Variants in RPL13A observed in about 807,000 individuals in gnomAD.
RPL13A encodes the protein ribosomal protein L13a, also known as large ribosomal subunit protein uL13.
In RPL13A, 4 loss-of-function variants were observed where a neutral mutation model predicts 30.8. That is an observed-to-expected ratio of 0.13 (90% CI 0.06 to 0.30). The LOEUF is 0.30. Among genes scored for constraint, RPL13A ranks in the 10% least tolerant of loss-of-function variants. RPL13A has a pLI of 1.00. For missense variants in RPL13A, 196 were observed against 272.6 expected (o/e 0.72, Z 1.98); for synonymous variants, 108 against 104.2 (o/e 1.04, Z -0.22).
rs570089557 is a variant in RPL13A at position 49,488,712 on chromosome 19, A to G, written c.15+1068A>G. 8.1e-4 allele frequency among the ~76,000 whole-genome samples: 123 copies of G among 152,316 alleles called. 1 individual carries two copies. The highest frequency in any genetic ancestry group is 2.8e-3 in the African/African-American group (118 of 41,576). On this transcript the variant is annotated intron_variant, in intron 1 of 7. Coordinates refer to ENST00000391857, the MANE Select transcript of RPL13A (RefSeq NM_012423.4). Reference sequence around the variant, plus strand: ...TAAAACAATGAGGATTTCTACTTTTAGTGTTTTTTCTGAGACGGAGTCTCG... The same window carrying G: ...TAAAACAATGAGGATTTCTACTTTTGGTGTTTTTTCTGAGACGGAGTCTCG...
At chr19:49,490,109 A>T in intron 2 of RPL13A, 123 bp from the exon 3 acceptor site, 1 of 1,090,300 alleles carries the variant, frequency 9.2e-7, no homozygotes, top group Non-Finnish European at 1.4e-6. Flanking sequence ...GTATTAGGCT[A>T]GTTTTTCATT....
In RPL13A at chr19:49,491,400, T is replaced by TCCCCCCCC. The variant is rs1555806959; in HGVS notation, c.403-24_403-23insCCCCCCCC. Reference sequence around the variant, plus strand: ...TAGATATCCTTACAACTTCATTTGTTCACCCCCCCCCCCCCCCCCCGCAGT... The same window carrying TCCCCCCCC: ...TAGATATCCTTACAACTTCATTTGTTCCCCCCCCCACCCCCCCCCCCCCCCCCCGCAGT... On this transcript the variant is annotated intron_variant, in intron 6 of 7. Transcript: ENST00000391857. 5 of 977,636 alleles carry TCCCCCCCC rather than the reference T, an allele frequency of 5.1e-6. 1 individual carries two copies. Among genetic ancestry groups the TCCCCCCCC allele is most frequent in the Non-Finnish European group, 5.6e-6 (4 of 714,762 alleles). 60.6% of individuals were successfully genotyped at this position (977,636 alleles called of 1,614,324 possible).
chr19:49,491,532 G>T lies in RPL13A; in HGVS notation c.510G>T (p.Lys170Asn). The change falls in exon 7 of 8, where the codon AAG (lysine) becomes AAT (asparagine). Residue 170 changes from lysine to asparagine, a missense_variant. By Grantham distance (94) the Lys-to-Asn change is moderately conservative (BLOSUM62 0). Coordinates refer to ENST00000391857, the MANE Select transcript of RPL13A (RefSeq NM_012423.4). ...AGAAAGCCAAGATCCACTACCGGAA[G>T]AAGAAACAGCTCATGGTGAGGCCAG... ...RKEKAKIHYR[K>N]KKQLMRLRKQ... The T allele has an allele frequency of 6.6e-7, 1 of 1,525,920 alleles. No homozygotes were observed. Among genetic ancestry groups the T allele is most frequent in the Non-Finnish European group, 8.8e-7 (1 of 1,138,072 alleles). The allele number at this position is 1,525,920 out of a possible 1,614,324, so 94.5% of individuals were successfully genotyped here.
chr19:49,488,350 T>G (rs1476417939), intron 1 of RPL13A, among the ~76,000 whole-genome samples: 5 of 152,120 alleles, frequency 3.3e-5, no homozygotes, highest in South Asian at 2.1e-4. Flanking sequence ...TGTAGCTACT[T>G]AAGTATAAAG....
intron 7 of RPL13A, 73 bp from the exon 8 acceptor site, chr19:49,491,656 G>A: frequency 5.1e-6 from 8 of 1,576,932 alleles, no homozygotes; most frequent in Non-Finnish European, 6.9e-6. Flanking sequence ...CGGGGTTGGG[G>A]TGGGATGCAG....
intron 2 of RPL13A, 22 bp from the exon 3 acceptor site, chr19:49,490,210 C>T (rs748775972): frequency 5.0e-6 from 8 of 1,613,440 alleles, no homozygotes; most frequent in Middle Eastern, 3.4e-4. Context: ...CTCGGCCCTG[C>T]TAAGCCTTTC....
At chr19:49,491,171 G>T (rs1361027020) in intron 6 of RPL13A, 72 bp downstream of exon 6, 3 of 1,536,076 alleles carry the variant, frequency 2.0e-6, no homozygotes, top group Admixed American at 1.7e-5. Flanking sequence ...GGGACCTGGA[G>T]CCTGGCAGAT....
Position 49,489,906 on chromosome 19 carries a change from T to C in RPL13A, c.72T>C (p.Ala24=). ...TGGGCCGCCTGGCGGCCATCGTGGC[T>C]AAACAGGTACTGCTGGGTAAGTCGC... The part of the protein sequence containing the change: ...HLLGRLAAIV[A]KQVLLGRKVV... Residue 24 remains alanine (A), a synonymous_variant, in exon 2 of 8, where the codon GCT becomes GCC. Transcript: ENST00000391857. 5.0e-6 allele frequency: 8 copies of C among 1,613,936 alleles called. No individual in the cohort carries two copies. The highest frequency in any genetic ancestry group is 6.8e-6 in the Non-Finnish European group (8 of 1,179,752).
rs775735394 is a variant in RPL13A at position 49,490,803 on chromosome 19, G to A, written c.281G>A (p.Arg94Gln). 1 of 1,614,148 alleles carries A rather than the reference G, an allele frequency of 6.2e-7. No individual in the cohort carries two copies. Among genetic ancestry groups the A allele is most frequent in the South Asian group, 1.1e-5 (1 of 91,090 alleles). Residue 94 changes from arginine to glutamine, a missense_variant, in exon 5 of 8, where the codon CGA (arginine) becomes CAA (glutamine). Coordinates refer to ENST00000391857, the MANE Select transcript of RPL13A (RefSeq NM_012423.4). ...GGTATGCTGCCCCACAAAACCAAGCGAGGCCAGGCCGCTCTGGACCGTCTC... is the reference window on the plus strand; with the variant it reads ...GGTATGCTGCCCCACAAAACCAAGCAAGGCCAGGCCGCTCTGGACCGTCTC... Reference protein sequence around the residue: ...VRGMLPHKTKRGQAALDRLKV... With the variant: ...VRGMLPHKTKQGQAALDRLKV...
At chr19:49,489,772 AAAG>A (rs1456922696) in intron 1 of RPL13A, 75 bp from the exon 2 acceptor site, 24 of 1,212,962 alleles carry the variant, frequency 2.0e-5, no homozygotes, top group Middle Eastern at 4.4e-4. Context: ...CGGTAGGACA[AAAG>A]AAGGGAATGC....
In RPL13A at chr19:49,490,596, TGCAGGTGGTGACGG is replaced by T. The variant is rs1173746442; in HGVS notation, c.256+26_256+39del. 1 of 1,612,588 alleles carries T rather than the reference TGCAGGTGGTGACGG, an allele frequency of 6.2e-7. No individual in the cohort carries two copies. Among genetic ancestry groups the T allele is most frequent in the Non-Finnish European group, 8.5e-7 (1 of 1,178,584 alleles). Reference sequence around the variant, plus strand: ...TGCGAGGTGAGCAGAGCGTGGGGACTGCAGGTGGTGACGGGCAGGCGGCCGGTGATGAGAACTTC... The same window carrying T: ...TGCGAGGTGAGCAGAGCGTGGGGACTGCAGGCGGCCGGTGATGAGAACTTC... On this transcript the variant is annotated intron_variant, in intron 4 of 7. Transcript: ENST00000391857.
intron 2 of RPL13A, 137 bp from the exon 3 acceptor site, chr19:49,490,095 T>C: frequency 9.5e-7 from 1 of 1,047,660 alleles, no homozygotes; most frequent in Admixed American, 1.7e-5. Context: ...CAAGAAGTAA[T>C]TATGTATTAG....
Position 49,491,416 on chromosome 19 carries a change from C to CA in RPL13A, c.403-9_403-8insA. ...TTCATTTGTTCACCCCCCCCCCCCC[C>CA]CCCCGCAGTTTGCCTATCTGGGGCG... On this transcript the variant is annotated splice_polypyrimidine_tract_variant and intron_variant, in intron 6 of 7. Transcript: ENST00000391857. 9.4e-7 allele frequency: 1 copy of CA among 1,066,328 alleles called. No individual in the cohort carries two copies. Among genetic ancestry groups the CA allele is most frequent in the Non-Finnish European group, 1.3e-6 (1 of 767,466 alleles). 66.1% of individuals were successfully genotyped at this position (1,066,328 alleles called of 1,614,324 possible).
intron 7 of RPL13A, 41 bp from the exon 8 acceptor site, chr19:49,491,688 A>G: frequency 6.3e-7 from 1 of 1,596,394 alleles, no homozygotes; most frequent in Non-Finnish European, 8.6e-7. Context: ...AGGGCAATGC[A>G]ACCCCTCCTG....
At chr19:49,489,768 G>A (rs898475093) in intron 1 of RPL13A, 82 bp from the exon 2 acceptor site, 2 of 1,162,932 alleles carry the variant, frequency 1.7e-6, no homozygotes, top group Non-Finnish European at 1.3e-6. Context: ...GGCACGGTAG[G>A]ACAAAAGAAG....
Position 49,492,042 on chromosome 19 carries a change from C to G in RPL13A, c.*227C>G. On this transcript the variant is annotated 3_prime_UTR_variant, in exon 8 of 8. Transcript: ENST00000391857. The stretch of plus-strand genomic sequence containing the variant: ...TATCTATGACCAATAGGAAGAGCAA[C>G]CAGTTACTATGAGTGAAAGGGAGCC... The G allele has an allele frequency of 2.0e-6, 1 of 512,338 alleles. No individual in the cohort carries two copies. The highest frequency in any genetic ancestry group is 3.5e-6 in the Non-Finnish European group (1 of 283,388). The allele number at this position is 512,338 out of a possible 1,614,324, so 31.7% of individuals were successfully genotyped here. A position where few individuals can be genotyped will look rare whatever the true frequency, so the allele number is the denominator to read the frequency against.
intron 4 of RPL13A, 69 bp downstream of exon 4, chr19:49,490,645 C>T (rs759201218): frequency 4.4e-6 from 7 of 1,580,276 alleles, no homozygotes; most frequent in East Asian, 2.2e-5. Context: ...CTCCCACTCA[C>T]ATTCGAGTTT....
At chr19:49,490,893 G>GGCCTTACCTGTGGCGTCCATGATGTT (rs2079860232) in intron 5 of RPL13A, 29 bp downstream of exon 5, 2 of 1,612,998 alleles carry the variant, frequency 1.2e-6, no homozygotes, top group Non-Finnish European at 1.7e-6. Context: ...CACAGGCAGC[G>GGCCTTACCTGTGGCGTCCATGATGTT]GCCTTACCTG....
At chr19:49,491,403 C>T (rs756577729) in intron 6 of RPL13A, 22 bp from the exon 7 acceptor site, 4 of 88,534 alleles carry the variant, frequency 4.5e-5, no homozygotes, top group Admixed American at 3.2e-4. Context: ...CATTTGTTCA[C>T]CCCCCCCCCC....
Sources: allele counts gnomAD v4.1 joint callset (sites outside exome capture counted in the v4.1 genomes callset), GRCh38; gene constraint gnomAD v4.1.1; transcripts MANE v1.5; gene names NCBI Gene and HGNC (gene_info 2026-07-23, HGNC 2026-07-21).